Variants in PLA2G4E observed in about 807,000 individuals in gnomAD.
PLA2G4E encodes the protein cytosolic phospholipase A2 epsilon.
PLA2G4E carries 84 observed loss-of-function variants against 109.1 expected under a neutral mutation model. That is an observed-to-expected ratio of 0.77 (90% confidence interval 0.65 to 0.92). PLA2G4E has a LOEUF of 0.92. Among genes scored for constraint, PLA2G4E ranks in the 40% least tolerant of loss-of-function variants. The probability of loss-of-function intolerance (pLI) is 0.00; values close to 1 mark genes in which losing one functional copy is unlikely to be tolerated. For missense variants in PLA2G4E, 1,057 were observed against 1,076.6 expected, an observed-to-expected ratio of 0.98 and a Z score of 0.25; for synonymous variants, 469 against 436.1, an observed-to-expected ratio of 1.08 and a Z score of -0.94.
exon 20 of PLA2G4E, chr15:41,983,966 G>C: frequency 3.7e-6 from 6 of 1,606,976 alleles, no homozygotes; most frequent in Non-Finnish European, 4.2e-6. Flanking sequence ...TCAGGGCTTC[G>C]CTCTACACCT....
intron 1 of PLA2G4E, among the ~76,000 whole-genome samples, chr15:42,025,470 G>A (rs1427401078): frequency 6.6e-6 from 1 of 152,064 alleles, no homozygotes; most frequent in Non-Finnish European, 1.5e-5. Context: ...ACATCTTCCT[G>A]TAGCTGCAGG....
intron 1 of PLA2G4E, among the ~76,000 whole-genome samples, chr15:42,025,504 G>A (rs150669810): frequency 2.6e-5 from 4 of 151,478 alleles, no homozygotes; most frequent in South Asian, 2.1e-4. Context: ...ACCCCCCACT[G>A]GAGTCTGCTT....
At chr15:42,018,463 C>T (rs1323361652) in intron 1 of PLA2G4E, among the ~76,000 whole-genome samples, 1 of 152,210 alleles carries the variant, frequency 6.6e-6, no homozygotes, top group Non-Finnish European at 1.5e-5. Context: ...ACCATGCCAG[C>T]TGGGCTGCAG....
chr15:42,008,706 C>T (rs1284982550), intron 2 of PLA2G4E, among the ~76,000 whole-genome samples: 1 of 152,166 alleles, frequency 6.6e-6, no homozygotes, highest in Non-Finnish European at 1.5e-5. Flanking sequence ...CTCTAGTCTA[C>T]CTGGGAGGAG....
intron 15 of PLA2G4E, 82 bp from the exon 16 acceptor site, chr15:41,988,238 C>A (rs1166048887): frequency 2.3e-6 from 2 of 855,186 alleles, no homozygotes; most frequent in Non-Finnish European, 3.4e-6. Context: ...CTCCCCCCAC[C>A]CCCCCACCCC....
exon 10 of PLA2G4E, chr15:41,999,530 G>A: frequency 6.2e-7 from 1 of 1,605,748 alleles, no homozygotes; most frequent in Non-Finnish European, 8.5e-7. Context: ...ATACCAGGGT[G>A]TAGACTTCAT....
chr15:42,003,723 C>T (rs1669059344), intron 5 of PLA2G4E, among the ~76,000 whole-genome samples: 1 of 152,248 alleles, frequency 6.6e-6, no homozygotes, highest in African/African-American at 2.4e-5. Context: ...CTTGTCCTGT[C>T]TCCCACCTGT....
chr15:42,026,026 T>G (rs1344528515), intron 1 of PLA2G4E, among the ~76,000 whole-genome samples: 2 of 152,200 alleles, frequency 1.3e-5, no homozygotes, highest in South Asian at 2.1e-4. Flanking sequence ...TTGTCAGTTT[T>G]GAATACACAG....
At chr15:42,023,678 A>G (rs2068668220) in intron 1 of PLA2G4E, among the ~76,000 whole-genome samples, 1 of 145,116 alleles carries the variant, frequency 6.9e-6, no homozygotes, top group Admixed American at 6.8e-5. Flanking sequence ...CCACTCCCCC[A>G]CCCTTCCCAA....
chr15:42,000,337 A>C (rs1242431790), intron 7 of PLA2G4E, 55 bp from the exon 8 acceptor site: 14 of 1,474,876 alleles, frequency 9.5e-6, no homozygotes, highest in Non-Finnish European at 1.3e-5. Context: ...ACCCACCTGC[A>C]ACTTGGTCCA....
At chr15:42,003,861 G>A (rs1399186832) in intron 5 of PLA2G4E, among the ~76,000 whole-genome samples, 1 of 89,728 alleles carries the variant, frequency 1.1e-5, no homozygotes, top group Non-Finnish European at 3.4e-5. Flanking sequence ...GGCGGGGGTT[G>A]CCTTTCTTTC....
chr15:42,030,763 G>A (rs1356422159), intron 1 of PLA2G4E, among the ~76,000 whole-genome samples: 1 of 152,196 alleles, frequency 6.6e-6, no homozygotes, highest in East Asian at 1.9e-4. Flanking sequence ...TAGACTAGGT[G>A]TGTCTTTTCT....
chr15:42,038,832 C>G (rs936612077), intron 1 of PLA2G4E, among the ~76,000 whole-genome samples: 6 of 152,058 alleles, frequency 3.9e-5, no homozygotes, highest in Non-Finnish European at 7.4e-5. Flanking sequence ...GATATTATCA[C>G]CAATTTTACT....
At chr15:41,986,976 C>T (rs1393998478) in intron 17 of PLA2G4E, 196 bp downstream of exon 17, 3 of 613,450 alleles carry the variant, frequency 4.9e-6, no homozygotes, top group Non-Finnish European at 8.6e-6. Context: ...AGTACCCACA[C>T]CACTCCCTGC....
At chr15:42,034,740 T>C (rs1022947585) in intron 1 of PLA2G4E, among the ~76,000 whole-genome samples, 4 of 152,124 alleles carry the variant, frequency 2.6e-5, no homozygotes, top group African/African-American at 7.2e-5. Flanking sequence ...TTTGTCACCA[T>C]GTGGAAGGAC....
chr15:42,043,584 A>AAAC (rs1566852819), intron 1 of PLA2G4E, among the ~76,000 whole-genome samples: 2 of 133,582 alleles, frequency 1.5e-5, no homozygotes, highest in Non-Finnish European at 3.2e-5. Flanking sequence ...AAAAAAAAAA[A>AAAC]CAACCACAAA....
chr15:42,000,229 G>T, exon 8 of PLA2G4E: 1 of 1,582,664 alleles, frequency 6.3e-7, no homozygotes. Flanking sequence ...AAGCAGGGCC[G>T]GACACGCTGG....
At chr15:42,013,479 A>T (rs2068557736) in intron 2 of PLA2G4E, among the ~76,000 whole-genome samples, 1 of 152,232 alleles carries the variant, frequency 6.6e-6, no homozygotes, top group Non-Finnish European at 1.5e-5. Context: ...TGGAAGAGTG[A>T]CAGAAACCCC....
intron 1 of PLA2G4E, among the ~76,000 whole-genome samples, chr15:42,049,704 C>G (rs1455294423): frequency 6.6e-6 from 1 of 152,138 alleles, no homozygotes; most frequent in African/African-American, 2.4e-5. Context: ...GCCAGTTCTC[C>G]CTGTAAGCCA....
Sources: allele counts gnomAD v4.1 joint callset (sites outside exome capture counted in the v4.1 genomes callset), GRCh38; gene constraint gnomAD v4.1.1; transcripts MANE v1.5; gene names NCBI Gene and HGNC (gene_info 2026-07-23, HGNC 2026-07-21).